Variants in LRP11 observed in about 807,000 individuals in gnomAD.
The protein encoded by LRP11 is low-density lipoprotein receptor-related protein 11.
Under a neutral mutation model 43.1 loss-of-function variants are expected in LRP11, and 25 were observed. The ratio of observed to expected loss-of-function variants is 0.58; its 90% CI spans 0.42 to 0.81. The LOEUF is 0.81. LRP11 is among the 30% of genes least tolerant of loss of function. The pLI is 0.00. For synonymous variants in LRP11, 316 were observed against 299.4 expected (o/e 1.06, Z -0.57); for missense variants, 623 against 665.1 (o/e 0.94, Z 0.70).
At chr6:149,842,026 AGTTAT>A (rs1776556304) in intron 3 of LRP11, among the ~76,000 whole-genome samples, 1 of 152,220 alleles carries the variant, frequency 6.6e-6, no homozygotes, top group Non-Finnish European at 1.5e-5. Flanking sequence ...ATGTATTTAA[AGTTAT>A]ATTATTAATA....
intron 1 of LRP11, among the ~76,000 whole-genome samples, chr6:149,858,171 A>C (rs1208324018): frequency 6.6e-6 from 1 of 152,142 alleles, no homozygotes; most frequent in Non-Finnish European, 1.5e-5. Context: ...CATTTACATT[A>C]GGTATTTGTC....
Position 149,837,419 on chromosome 6 carries a change from C to A in LRP11, c.958G>T (p.Gly320Cys). 1 of 1,614,142 alleles carries A rather than the reference C, an allele frequency of 6.2e-7. No homozygotes were observed. The highest frequency in any genetic ancestry group is 1.1e-5 in the South Asian group (1 of 91,088). ...CSRYHFFCDD[G>C]CCIDITLACD... ...GCGAGCGTGATGTCAATGCAGCAGC[C>A]ATCGTCACAGAAGAAGTGGTAGCGT... The change falls in exon 4 of 7, where the codon GGC becomes TGC. Residue 320 changes from glycine to cysteine, a missense_variant. Coordinates refer to ENST00000239367, the MANE Select transcript of LRP11 (RefSeq NM_032832.6).
intron 3 of LRP11, among the ~76,000 whole-genome samples, chr6:149,841,491 G>A (rs911329041): frequency 5.3e-5 from 8 of 152,178 alleles, no homozygotes; most frequent in Admixed American, 4.6e-4. Context: ...CAAGACCTTA[G>A]CACCTCTCCA....
intron 4 of LRP11, among the ~76,000 whole-genome samples, chr6:149,836,746 T>C (rs1776476727): frequency 6.6e-6 from 1 of 151,780 alleles, no homozygotes; most frequent in African/African-American, 2.4e-5. Context: ...GCTGGGGAAG[T>C]CGAGGCTGCA....
At chr6:149,856,388 A>G (rs1473444309) in intron 1 of LRP11, among the ~76,000 whole-genome samples, 1 of 152,132 alleles carries the variant, frequency 6.6e-6, no homozygotes, top group African/African-American at 2.4e-5. Context: ...ATGTGTCTGA[A>G]ATAACACAGA....
intron 3 of LRP11, 128 bp downstream of exon 3, chr6:149,842,855 C>T: frequency 8.0e-7 from 1 of 1,245,246 alleles, no homozygotes; most frequent in Non-Finnish European, 1.1e-6. Flanking sequence ...TTAGCAAAGA[C>T]TCTCTCATTC....
chr6:149,847,538 G>T (rs1043688289), intron 2 of LRP11, among the ~76,000 whole-genome samples: 11 of 152,170 alleles, frequency 7.2e-5, no homozygotes, highest in African/African-American at 2.7e-4. Context: ...TGGAGAGAGG[G>T]TTTACAGTGT....
At chr6:149,855,566 T>C (rs116436102) in intron 1 of LRP11, among the ~76,000 whole-genome samples, 2 of 152,230 alleles carry the variant, frequency 1.3e-5, no homozygotes, top group South Asian at 2.1e-4. Context: ...CTGCATCTCA[T>C]TGGAAAGCGA....
chr6:149,822,825 G>T (rs1776293891), intron 6 of LRP11, among the ~76,000 whole-genome samples: 1 of 152,154 alleles, frequency 6.6e-6, no homozygotes, highest in Non-Finnish European at 1.5e-5. Context: ...AGAGACTGTT[G>T]GGTGGCTGAA....
chr6:149,835,425 C>T (rs1776458554), intron 5 of LRP11, among the ~76,000 whole-genome samples: 2 of 152,140 alleles, frequency 1.3e-5, no homozygotes, highest in African/African-American at 2.4e-5. Context: ...CATGGCAAAA[C>T]CTTGTCTCTA....
intron 6 of LRP11, among the ~76,000 whole-genome samples, chr6:149,824,426 A>G (rs956925494): frequency 6.6e-6 from 1 of 152,242 alleles, no homozygotes; most frequent in Non-Finnish European, 1.5e-5. Flanking sequence ...TTGACTTTTA[A>G]TATTTAGTTG....
intron 5 of LRP11, among the ~76,000 whole-genome samples, chr6:149,830,063 T>G (rs2115377335): frequency 6.8e-6 from 1 of 147,230 alleles, no homozygotes; most frequent in Non-Finnish European, 1.5e-5. Flanking sequence ...CAGGCTGGAG[T>G]GCACTGGCGC....
chr6:149,824,278 C>T (rs1363869565), intron 6 of LRP11, among the ~76,000 whole-genome samples: 2 of 152,122 alleles, frequency 1.3e-5, no homozygotes, highest in African/African-American at 2.4e-5. Context: ...ATAAAACAGA[C>T]GAGATCTGGG....
chr6:149,849,875 A>G (rs375696412), intron 2 of LRP11, among the ~76,000 whole-genome samples: 1 of 152,248 alleles, frequency 6.6e-6, no homozygotes, highest in East Asian at 1.9e-4. Context: ...ATCTGACAGC[A>G]TAATTCCTTG....
chr6:149,848,767 AC>A (rs200592260), intron 2 of LRP11, among the ~76,000 whole-genome samples: 7,437 of 151,930 alleles, frequency 0.049, 409 homozygotes, highest in African/African-American at 0.13. Flanking sequence ...TAGAAAAAAA[AC>A]AAAACTGCTG....
At position 149,848,163 on chromosome 6, in the gene LRP11, GTCC is replaced by G. The variant is rs2115402170; in HGVS notation, c.771+4837_771+4839del. On this transcript the variant is annotated intron_variant, in intron 2 of 6. Coordinates refer to ENST00000239367, the MANE Select transcript of LRP11 (RefSeq NM_032832.6). The stretch of plus-strand genomic sequence containing the variant: ...TGAGGTTAGTGCCCTTATAAAAGAG[GTCC>G]CATGTTATTAAAAAGTAAAAAACAA... Among the ~76,000 whole-genome samples the G allele has an allele frequency of 2.0e-5, 3 of 149,360 alleles. No individual in the cohort carries two copies. The East Asian group carries it at 6.4e-4, about 32-fold the overall frequency.
chr6:149,820,238 C>T lies in LRP11; in HGVS notation c.*311G>A. ...CTAAAAGGTAATGGGTTAACACAGTCATCCTAATACCACCTCCTGAGATGC... is the reference window on the plus strand; with the variant it reads ...CTAAAAGGTAATGGGTTAACACAGTTATCCTAATACCACCTCCTGAGATGC... On this transcript the variant is annotated 3_prime_UTR_variant, in exon 7 of 7. Transcript: ENST00000239367. 4.5e-6 allele frequency: 1 copy of T among 221,598 alleles called. No homozygotes were observed. The highest frequency in any genetic ancestry group is 8.9e-6 in the Non-Finnish European group (1 of 112,548). 13.7% of individuals were successfully genotyped at this position (221,598 alleles called of 1,614,324 possible).
intron 5 of LRP11, 79 bp from the exon 6 acceptor site, chr6:149,826,438 AT>A (rs1241222328): frequency 7.9e-4 from 753 of 954,578 alleles, no homozygotes; most frequent in Non-Finnish European, 9.6e-4. Context: ...ATACAGCCTT[AT>A]TTTTTTTTAA....
At chr6:149,832,202 T>C (rs1776416861) in intron 5 of LRP11, among the ~76,000 whole-genome samples, 1 of 150,264 alleles carries the variant, frequency 6.7e-6, no homozygotes, top group Non-Finnish European at 1.5e-5. Flanking sequence ...TTTTTTTTTT[T>C]TTTTTTTGAG....
Sources: gnomAD v4.1 joint callset for allele counts (sites outside exome capture counted in the v4.1 genomes callset) on GRCh38, gnomAD v4.1.1 for gene constraint, MANE v1.5 for transcripts, NCBI Gene and HGNC (gene_info 2026-07-23, HGNC 2026-07-21) for gene names.